Variants in ZNF536 observed in about 807,000 individuals in gnomAD.
ZNF536 encodes the protein zinc finger protein 536.
A neutral mutation model predicts 84.5 loss-of-function variants in ZNF536; 13 were observed. The ratio of observed to expected loss-of-function variants is 0.15; its 90% CI spans 0.10 to 0.24. The LOEUF is 0.24. ZNF536 is among the 10% of genes least tolerant of loss of function. The probability of loss-of-function intolerance (pLI) is 1.00; values close to 1 mark genes in which losing one functional copy is unlikely to be tolerated. For missense variants in ZNF536, 1,536 were observed against 1,747.5 expected, an observed-to-expected ratio of 0.88 and a Z score of 2.16; for synonymous variants, 811 against 742.5, an observed-to-expected ratio of 1.09 and a Z score of -1.50.
At chr19:30,669,510 A>T (rs1028203301) in intron 1 of ZNF536, among the ~76,000 whole-genome samples, 3 of 152,208 alleles carry the variant, frequency 2.0e-5, no homozygotes, top group African/African-American at 4.8e-5. Flanking sequence ...CTGCCAGGCC[A>T]CTTCCGCAGG....
At chr19:30,244,888 A>C (rs563738785) in intron 1 of ZNF536, among the ~76,000 whole-genome samples, 1 of 152,324 alleles carries the variant, frequency 6.6e-6, no homozygotes, top group African/African-American at 2.4e-5. Context: ...AATGGAACAC[A>C]TTAGAAAGAT....
rs189046779 is a variant in ZNF536 at position 30,567,903 on chromosome 19, C to T, written c.169+18389C>T. The stretch of plus-strand genomic sequence containing the variant: ...GCTTCCAGAGGTCGATGGCTGGGAT[C>T]TTAGGCCTTTGAGGCTGTCACTCCC... On this transcript the variant is annotated intron_variant, in intron 1 of 1. Transcript: ENST00000592773. Among the ~76,000 whole-genome samples the T allele has an allele frequency of 1.6e-3, 248 of 152,258 alleles. 1 individual carries two copies. Among genetic ancestry groups the T allele is most frequent in the African/African-American group, 5.8e-3 (242 of 41,544 alleles).
upstream of ZNF536, among the ~76,000 whole-genome samples, chr19:30,227,091 T>C (rs1231981116): frequency 1.3e-5 from 2 of 151,692 alleles, no homozygotes; most frequent in African/African-American, 4.9e-5. Context: ...TAATTTAAAA[T>C]ATAGATATCT....
chr19:30,537,589 G>C (rs1350251821), intron 3 of ZNF536, among the ~76,000 whole-genome samples: 1 of 152,216 alleles, frequency 6.6e-6, no homozygotes, highest in African/African-American at 2.4e-5. Flanking sequence ...AGCTTCCCGG[G>C]GGGTAAGAGA....
intron 1 of ZNF536, among the ~76,000 whole-genome samples, chr19:30,639,304 G>C (rs12984786): frequency 0.45 from 67,784 of 152,072 alleles, 15,567 homozygotes; most frequent in Non-Finnish European, 0.51. Context: ...TTTTAAGAAC[G>C]TATTTTGTTG....
intron 2 of ZNF536, among the ~76,000 whole-genome samples, chr19:30,326,791 CTTTTTTTTTTTTTTTT>C (rs869076590): frequency 3.8e-5 from 2 of 51,958 alleles, no homozygotes; most frequent in Admixed American, 3.7e-4. Flanking sequence ...TTATAAAAAG[CTTTTTTTTTTTTTTTT>C]TTTTTTTTTT....
At chr19:30,521,878 A>G (rs1350176468) in intron 2 of ZNF536, among the ~76,000 whole-genome samples, 1 of 152,138 alleles carries the variant, frequency 6.6e-6, no homozygotes, top group African/African-American at 2.4e-5. Flanking sequence ...AGAAGAAAAC[A>G]AAGTTGCCTC....
At chr19:30,402,785 T>A (rs1008698809) in intron 1 of ZNF536, among the ~76,000 whole-genome samples, 1 of 54,272 alleles carries the variant, frequency 1.8e-5, no homozygotes, top group African/African-American at 4.5e-5. Flanking sequence ...AAACATTTTT[T>A]AAAATTAAAA....
chr19:30,465,599 A>G (rs1404184884), intron 2 of ZNF536, among the ~76,000 whole-genome samples: 1 of 152,150 alleles, frequency 6.6e-6, no homozygotes, highest in Non-Finnish European at 1.5e-5. Flanking sequence ...GTGGTAAAAT[A>G]CACGTAACAG....
chr19:30,282,658 T>G (rs533963804), intron 1 of ZNF536, among the ~76,000 whole-genome samples: 1 of 152,244 alleles, frequency 6.6e-6, no homozygotes, highest in Admixed American at 6.5e-5. Context: ...CAAATAAGTG[T>G]TTTCAGAGCC....
chr19:30,332,164 A>C (rs2047230973), intron 2 of ZNF536, among the ~76,000 whole-genome samples: 1 of 152,164 alleles, frequency 6.6e-6, no homozygotes, highest in African/African-American at 2.4e-5. Context: ...CAAATTGGCC[A>C]CACTGGCTTT....
At chr19:30,335,722 G>A (rs1410159963) in intron 2 of ZNF536, among the ~76,000 whole-genome samples, 1 of 152,202 alleles carries the variant, frequency 6.6e-6, no homozygotes, top group Non-Finnish European at 1.5e-5. Flanking sequence ...CTGCCCTTGT[G>A]CACGGATAGA....
At chr19:30,407,240 G>A (rs2050297342) in intron 1 of ZNF536, among the ~76,000 whole-genome samples, 1 of 152,154 alleles carries the variant, frequency 6.6e-6, no homozygotes, top group Non-Finnish European at 1.5e-5. Flanking sequence ...CTTCCTTTTT[G>A]TTTATATTGA....
chr19:30,662,540 G>C (rs1301516793), intron 1 of ZNF536, among the ~76,000 whole-genome samples: 2 of 152,054 alleles, frequency 1.3e-5, no homozygotes, highest in Non-Finnish European at 2.9e-5. Context: ...CCGCAGATGG[G>C]GGGGGATAGT....
intron 2 of ZNF536, among the ~76,000 whole-genome samples, chr19:30,290,897 T>G (rs2045815739): frequency 6.6e-6 from 1 of 152,204 alleles, no homozygotes; most frequent in Non-Finnish European, 1.5e-5. Context: ...TGTCCATGTG[T>G]TCTCATTGTT....
At chr19:30,713,483 A>G (rs926008594) in exon 2 of ZNF536, 1 of 152,242 alleles carries the variant, frequency 6.6e-6, no homozygotes, top group African/African-American at 2.4e-5. Context: ...TTATTATAAT[A>G]CATCAGTTGA....
intron 2 of ZNF536, among the ~76,000 whole-genome samples, chr19:30,304,019 C>T (rs779526739): frequency 1.3e-5 from 2 of 152,126 alleles, no homozygotes; most frequent in East Asian, 1.9e-4. Context: ...GGGTAGGCAG[C>T]GGTCTCCTCT....
chr19:30,304,128 C>T (rs2046274820), intron 2 of ZNF536, among the ~76,000 whole-genome samples: 1 of 152,184 alleles, frequency 6.6e-6, no homozygotes, highest in Non-Finnish European at 1.5e-5. Flanking sequence ...ACTTTTTAGC[C>T]TGCTGTGCAC....
In ZNF536 at chr19:30,675,701, G is replaced by A. The variant is rs149732590; in HGVS notation, c.170-35056G>A. On this transcript the variant is annotated intron_variant, in intron 1 of 1. Transcript: ENST00000592773. ...CCCACTCTGATTTCTCTGTCTCCTG[G>A]CGCCCAGAAAAAAGAGGAGACATTC... Among the ~76,000 whole-genome samples the A allele has an allele frequency of 1.2e-3, 190 of 152,150 alleles. 1 individual carries two copies. The highest frequency in any genetic ancestry group is 2.2e-3 in the Non-Finnish European group (150 of 67,984).
Sources: gnomAD v4.1 joint callset for allele counts (sites outside exome capture counted in the v4.1 genomes callset) on GRCh38, gnomAD v4.1.1 for gene constraint, MANE v1.5 for transcripts, NCBI Gene and HGNC (gene_info 2026-07-23, HGNC 2026-07-21) for gene names.